Variants in NEGR1 observed in about 807,000 individuals in gnomAD.
NEGR1 encodes the protein IgLON family member 4.
In NEGR1, 10 loss-of-function variants were observed where a neutral mutation model predicts 40.9. The observed-to-expected ratio is 0.24, with a 90% CI of 0.15 to 0.42. NEGR1 has a LOEUF of 0.42. Among genes scored for constraint, NEGR1 ranks in the 10% least tolerant of loss-of-function variants. The pLI is 1.00. For synonymous variants in NEGR1, 185 were observed against 166.8 expected (o/e 1.11, Z -0.84); for missense variants, 352 against 438.9 (o/e 0.80, Z 1.77).
rs553728012 is a variant in NEGR1 at position 71,863,288 on chromosome 1, G to T, written c.409+71791C>A. ...CAGCCACGTAAAGGAACAAGATCATGTCCTCTGCAGGGACATGGATGGAGC... is the reference window on the plus strand; with the variant it reads ...CAGCCACGTAAAGGAACAAGATCATTTCCTCTGCAGGGACATGGATGGAGC... On this transcript the variant is annotated intron_variant, in intron 2 of 6. Transcript: ENST00000357731. Among the ~76,000 whole-genome samples the T allele has an allele frequency of 7.2e-5, 11 of 152,264 alleles. No homozygotes were observed. The South Asian group carries it at 2.3e-3, about 32-fold the overall frequency.
chr1:72,041,745 T>A (rs1362058431), intron 1 of NEGR1, among the ~76,000 whole-genome samples: 1 of 148,410 alleles, frequency 6.7e-6, no homozygotes, highest in Admixed American at 6.8e-5. Flanking sequence ...TATATATATA[T>A]ATACCCATGA....
In NEGR1 at chr1:71,407,617, C is replaced by T. The variant is rs763229303; in HGVS notation, c.941-47G>A. 9 of 1,596,224 alleles carry T rather than the reference C, an allele frequency of 5.6e-6. No individual in the cohort carries two copies. The East Asian group carries it at 2.0e-4, about 36-fold the overall frequency. On this transcript the variant is annotated intron_variant, in intron 6 of 6. Coordinates refer to ENST00000357731, the MANE Select transcript of NEGR1 (RefSeq NM_173808.3). ...TAAATCAAAATCTAATTTGTGTCTTCCAGGATCTTGACAATAATCAAAAGG... is the reference window on the plus strand; with the variant it reads ...TAAATCAAAATCTAATTTGTGTCTTTCAGGATCTTGACAATAATCAAAAGG...
chr1:72,242,813 T>C (rs2100516935), intron 1 of NEGR1, among the ~76,000 whole-genome samples: 1 of 151,768 alleles, frequency 6.6e-6, no homozygotes, highest in South Asian at 2.1e-4. Flanking sequence ...AGTCACTAAT[T>C]AATAAATGAG....
intron 1 of NEGR1, among the ~76,000 whole-genome samples, chr1:72,104,025 A>G (rs909404144): frequency 5.3e-5 from 8 of 152,082 alleles, no homozygotes; most frequent in Non-Finnish European, 1.0e-4. Context: ...CTGTGCTCCA[A>G]GAATTGAAAT....
chr1:71,708,458 A>C (rs892705674), intron 3 of NEGR1, among the ~76,000 whole-genome samples: 2 of 152,100 alleles, frequency 1.3e-5, no homozygotes, highest in African/African-American at 4.8e-5. Context: ...TGCAATCCCT[A>C]TCAAAATACC....
intron 1 of NEGR1, among the ~76,000 whole-genome samples, chr1:72,060,697 C>G (rs1414413948): frequency 6.6e-6 from 1 of 151,582 alleles, no homozygotes; most frequent in Non-Finnish European, 1.5e-5. Flanking sequence ...CAGCAGGAGA[C>G]AGACACCAAC....
At chr1:72,183,045 G>T (rs1457649445) in intron 1 of NEGR1, among the ~76,000 whole-genome samples, 1 of 152,026 alleles carries the variant, frequency 6.6e-6, no homozygotes, top group Non-Finnish European at 1.5e-5. Context: ...TCCTTATTCA[G>T]TATTACTGGC....
chr1:71,514,971 T>G (rs1647110881), intron 6 of NEGR1, among the ~76,000 whole-genome samples: 1 of 92,814 alleles, frequency 1.1e-5, no homozygotes, highest in Non-Finnish European at 2.0e-5. Context: ...AGAAAGCGTA[T>G]CAGCAATGGA....
At chr1:72,205,988 T>C (rs1557578184) in intron 1 of NEGR1, among the ~76,000 whole-genome samples, 1 of 149,412 alleles carries the variant, frequency 6.7e-6, no homozygotes, top group Non-Finnish European at 1.5e-5. Flanking sequence ...GAATATCTAG[T>C]ATGTGTCAAA....
chr1:71,450,760 A>G (rs1646621136), intron 6 of NEGR1, among the ~76,000 whole-genome samples: 1 of 152,108 alleles, frequency 6.6e-6, no homozygotes, highest in Non-Finnish European at 1.5e-5. Flanking sequence ...CAGTGAGCTG[A>G]GATGGCACCA....
chr1:71,900,052 G>C (rs1661102686), intron 2 of NEGR1, among the ~76,000 whole-genome samples: 1 of 152,188 alleles, frequency 6.6e-6, no homozygotes, highest in Non-Finnish European at 1.5e-5. Context: ...AGCTGCTTAA[G>C]TAGTTTCCAT....
intron 1 of NEGR1, among the ~76,000 whole-genome samples, chr1:72,135,277 G>A (rs1650409324): frequency 1.3e-5 from 2 of 149,514 alleles, no homozygotes; most frequent in African/African-American, 4.9e-5. Flanking sequence ...TCGGGAGGCT[G>A]AGGCAGGAGA....
At chr1:71,587,590 T>A (rs1649348497) in intron 6 of NEGR1, among the ~76,000 whole-genome samples, 3 of 152,114 alleles carry the variant, frequency 2.0e-5, no homozygotes, top group Admixed American at 6.6e-5. Flanking sequence ...GAATGTGTTA[T>A]GTGTAATATT....
At chr1:71,819,235 GA>G (rs1270953114) in intron 2 of NEGR1, among the ~76,000 whole-genome samples, 1 of 151,926 alleles carries the variant, frequency 6.6e-6, no homozygotes, top group African/African-American at 2.4e-5. Context: ...TCTATTCTTG[GA>G]AAAGACCTAG....
At chr1:72,276,812 A>G (rs1377114829) in intron 1 of NEGR1, among the ~76,000 whole-genome samples, 4 of 152,142 alleles carry the variant, frequency 2.6e-5, no homozygotes, top group Admixed American at 6.5e-5. Flanking sequence ...TACAAACAAC[A>G]CTTAAACCGT....
chr1:71,572,976 A>C (rs1648853341), intron 6 of NEGR1, among the ~76,000 whole-genome samples: 1 of 152,210 alleles, frequency 6.6e-6, no homozygotes, highest in Admixed American at 6.5e-5. Context: ...AGCGTAGTTT[A>C]AGAAACCTCC....
intron 3 of NEGR1, among the ~76,000 whole-genome samples, chr1:71,713,877 TAAAC>T (rs1654186639): frequency 6.6e-6 from 1 of 152,190 alleles, no homozygotes; most frequent in Non-Finnish European, 1.5e-5. Context: ...ACAATATAGA[TAAAC>T]AAGTGATTAA....
chr1:72,052,108 T>C (rs1487914227), intron 1 of NEGR1, among the ~76,000 whole-genome samples: 1 of 151,404 alleles, frequency 6.6e-6, no homozygotes, highest in East Asian at 1.9e-4. Context: ...GATGATAAAC[T>C]AAGAACTATT....
At chr1:71,568,407 G>A (rs989828266) in intron 6 of NEGR1, among the ~76,000 whole-genome samples, 1 of 152,110 alleles carries the variant, frequency 6.6e-6, no homozygotes, top group Non-Finnish European at 1.5e-5. Context: ...AGAGAACTTG[G>A]GAAAAGCAGG....
Sources: gnomAD v4.1 joint callset for allele counts (sites outside exome capture counted in the v4.1 genomes callset) on GRCh38, gnomAD v4.1.1 for gene constraint, MANE v1.5 for transcripts, NCBI Gene and HGNC (gene_info 2026-07-23, HGNC 2026-07-21) for gene names.